The following MAP1B variants were observed in gnomAD, a reference collection of about 807,000 sequenced individuals.
MAP1B encodes microtubule associated protein 1B, also known as microtubule-associated protein 1B.
Under a neutral mutation model 176.1 loss-of-function variants are expected in MAP1B, and 12 were observed. The observed-to-expected ratio is 0.07, with a 90% CI of 0.04 to 0.11. The LOEUF (loss-of-function observed/expected upper bound fraction) is 0.11, where lower values mean the gene tolerates loss of function less well. Ranked by LOEUF, MAP1B falls within the 10% of genes least tolerant of loss-of-function variation. The pLI, the probability that MAP1B is intolerant of heterozygous loss-of-function variation, is 1.00. For missense variants in MAP1B, 2,523 were observed against 2,990.5 expected (o/e 0.84, Z 3.65); for synonymous variants, 1,044 against 1,135.0 (o/e 0.92, Z 1.61).
At chr5:72,182,787 C>T (rs1484418648) in intron 2 of MAP1B, among the ~76,000 whole-genome samples, 1 of 152,204 alleles carries the variant, frequency 6.6e-6, no homozygotes, top group Non-Finnish European at 1.5e-5. Flanking sequence ...TGTGTCTACC[C>T]TCCCAACCAT....
At chr5:72,138,365 A>G (rs1194206154) in intron 2 of MAP1B, among the ~76,000 whole-genome samples, 1 of 152,180 alleles carries the variant, frequency 6.6e-6, no homozygotes, top group African/African-American at 2.4e-5. Context: ...GTTTTAACAA[A>G]TGATACCACT....
chr5:72,198,530 G>A lies in MAP1B; in HGVS notation c.5175G>A (p.Gln1725=), dbSNP rs1201794867. 1 of 1,613,844 alleles carries A rather than the reference G, an allele frequency of 6.2e-7. No individual in the cohort carries two copies. The highest frequency in any genetic ancestry group is 8.5e-7 in the Non-Finnish European group (1 of 1,180,032). ...NDLSELISVS[Q]VEASPSTSSA... is the part of the protein sequence containing the mutation. Reference sequence around the variant, plus strand: ...TTTCTGAGCTCATCTCAGTATCTCAGGTAGAGGCCTCCCCGTCCACCTCTT... The same window carrying A: ...TTTCTGAGCTCATCTCAGTATCTCAAGTAGAGGCCTCCCCGTCCACCTCTT... Residue 1725 remains glutamine, a synonymous_variant, in exon 5 of 7, where the codon CAG becomes CAA. Transcript: ENST00000296755.
chr5:72,180,179 C>G (rs1329817864), intron 2 of MAP1B, among the ~76,000 whole-genome samples: 5 of 152,134 alleles, frequency 3.3e-5, no homozygotes, highest in Admixed American at 2.0e-4. Context: ...ATTTCATTAC[C>G]ATCACTTGTG....
chr5:72,137,076 A>G (rs1046983958), intron 2 of MAP1B, among the ~76,000 whole-genome samples: 9 of 152,186 alleles, frequency 5.9e-5, no homozygotes, highest in African/African-American at 2.2e-4. Flanking sequence ...ATTTTTGTTT[A>G]TGTCAGAACT....
chr5:72,135,272 T>G (rs540464832), intron 2 of MAP1B, among the ~76,000 whole-genome samples: 5 of 152,292 alleles, frequency 3.3e-5, no homozygotes, highest in Admixed American at 3.3e-4. Flanking sequence ...GCAATAGTAC[T>G]TGCATCTCAA....
chr5:72,132,635 C>T (rs1186651995), intron 2 of MAP1B, among the ~76,000 whole-genome samples: 4 of 152,178 alleles, frequency 2.6e-5, no homozygotes, highest in Non-Finnish European at 4.4e-5. Context: ...GTTCATTCCA[C>T]TGGGGACTTC....
intron 2 of MAP1B, among the ~76,000 whole-genome samples, chr5:72,118,755 T>C (rs1745475136): frequency 6.6e-6 from 1 of 152,186 alleles, no homozygotes; most frequent in Non-Finnish European, 1.5e-5. Flanking sequence ...GCCACAGTTT[T>C]GTTTTGTTTT....
At chr5:72,201,618 C>CA (rs1747336099) in intron 5 of MAP1B, among the ~76,000 whole-genome samples, 1 of 152,206 alleles carries the variant, frequency 6.6e-6, no homozygotes, top group Non-Finnish European at 1.5e-5. Context: ...TTTTAGATCA[C>CA]AATTCACAAA....
Position 72,204,754 on chromosome 5 carries a change from T to G in MAP1B, c.7252-330T>G, listed in dbSNP as rs1329630934. Among the ~76,000 whole-genome samples, 7 of 152,210 alleles carry G rather than the reference T, an allele frequency of 4.6e-5. No homozygotes were observed. The highest frequency in any genetic ancestry group is 4.6e-4 in the Admixed American group (7 of 15,288). Reference sequence around the variant, plus strand: ...TGGATTAAATATGCAATATCTTTTATGCAAAACTTACCAGTTGTGTTAAAG... The same window carrying G: ...TGGATTAAATATGCAATATCTTTTAGGCAAAACTTACCAGTTGTGTTAAAG... On this transcript the variant is annotated intron_variant, in intron 6 of 6. Transcript: ENST00000296755. The surrounding 1 kb of genome is among the most constrained non-coding windows in gnomAD (Gnocchi z 4.4).
At position 72,198,409 on chromosome 5, in the gene MAP1B, C is replaced by T. The variant is rs762867503; in HGVS notation, c.5054C>T (p.Thr1685Ile). Residue 1685 changes from threonine to isoleucine, a missense_variant, in exon 5 of 7, where the codon ACT becomes ATT. Transcript: ENST00000296755. ...CTTCACATCACTGAAAATGGGCCAACTGAAGTGGACTACAGTCCTTCTGAC... is the reference window on the plus strand; with the variant it reads ...CTTCACATCACTGAAAATGGGCCAATTGAAGTGGACTACAGTCCTTCTGAC... ...GVLHITENGP[T>I]EVDYSPSDMQ... 5 of 1,614,156 alleles carry T rather than the reference C, an allele frequency of 3.1e-6. No individual in the cohort carries two copies. Among genetic ancestry groups the T allele is most frequent in the Non-Finnish European group, 4.2e-6 (5 of 1,180,034 alleles).
intron 2 of MAP1B, chr5:72,179,752 G>A (rs1380235800): frequency 7.1e-6 from 7 of 985,426 alleles, no homozygotes; most frequent in Non-Finnish European, 8.4e-6. Flanking sequence ...ATTCAAATCC[G>A]ATCCTATAAA....
chr5:72,141,777 A>G lies in MAP1B; in HGVS notation c.286+25978A>G, dbSNP rs1201940085. On this transcript the variant is annotated intron_variant, in intron 2 of 6. Transcript: ENST00000296755. Reference sequence around the variant, plus strand: ...ATCATGGTTTAAAAAAAGAAAAAAAAGCCTAAGGCAGTGATATCATATTAC... The same window carrying G: ...ATCATGGTTTAAAAAAAGAAAAAAAGGCCTAAGGCAGTGATATCATATTAC... 2.0e-5 allele frequency among the ~76,000 whole-genome samples: 3 copies of G among 152,356 alleles called. No homozygotes were observed. In the South Asian group the frequency reaches 6.2e-4, roughly 32 times the overall value.
In MAP1B at chr5:72,195,174, G is replaced by A. The variant is rs1410892598; in HGVS notation, c.1819G>A (p.Val607Ile). ...ETKPSVTEKE[V>I]PSKEEPSPVK... ...CAAACCTTCAGTGACTGAAAAGGAG[G>A]TTCCCAGCAAAGAAGAGCCATCTCC... is the stretch of plus-strand genomic sequence containing the variant. The change falls in exon 5 of 7, where the codon GTT (valine) becomes ATT (isoleucine). Residue 607 changes from valine (V) to isoleucine (I), a missense_variant. Val to Ile is a conservative substitution (Grantham distance 29). Coordinates refer to ENST00000296755, the MANE Select transcript of MAP1B (RefSeq NM_005909.5). 2 of 1,613,772 alleles carry A rather than the reference G, an allele frequency of 1.2e-6. No homozygotes were observed. The highest frequency in any genetic ancestry group is 1.7e-5 in the Admixed American group (1 of 59,940).
chr5:72,121,305 T>C (rs528627065), intron 2 of MAP1B, among the ~76,000 whole-genome samples: 1 of 152,362 alleles, frequency 6.6e-6, no homozygotes, highest in East Asian at 1.9e-4. Flanking sequence ...CGTTGCCAGG[T>C]TTAAGAAACA....
chr5:72,193,440 A>C (rs1228341285), intron 4 of MAP1B: 1 of 307,032 alleles, frequency 3.3e-6, no homozygotes, highest in Non-Finnish European at 6.4e-6. Context: ...TGATAGTTTA[A>C]CGTTTTTTTT....
chr5:72,171,917 A>G (rs1175506319), intron 2 of MAP1B, among the ~76,000 whole-genome samples: 1 of 152,166 alleles, frequency 6.6e-6, no homozygotes, highest in East Asian at 1.9e-4. Flanking sequence ...GTCACTTACG[A>G]ATGATCCATC....
intron 2 of MAP1B, among the ~76,000 whole-genome samples, chr5:72,148,041 G>A (rs1329487720): frequency 2.0e-5 from 3 of 152,106 alleles, no homozygotes; most frequent in South Asian, 2.1e-4. Context: ...CAGAACAATC[G>A]ATTATAAGGC....
At chr5:72,111,953 T>TA (rs950632189) in intron 1 of MAP1B, among the ~76,000 whole-genome samples, 3 of 151,854 alleles carry the variant, frequency 2.0e-5, no homozygotes, top group African/African-American at 7.3e-5. Flanking sequence ...TTGCTGGCTT[T>TA]AAAAAAAGAA....
chr5:72,167,431 A>G (rs1198373028), intron 2 of MAP1B, among the ~76,000 whole-genome samples: 1 of 152,238 alleles, frequency 6.6e-6, no homozygotes, highest in Non-Finnish European at 1.5e-5. Context: ...ACTGTTCTGA[A>G]CAAGACACTT....
Sources: allele counts gnomAD v4.1 joint callset (sites outside exome capture counted in the v4.1 genomes callset), GRCh38; gene constraint gnomAD v4.1.1; non-coding constraint Gnocchi (gnomAD v3.1); transcripts MANE v1.5; gene names NCBI Gene and HGNC (gene_info 2026-07-23, HGNC 2026-07-21).